Variants in CDH18 observed in about 807,000 individuals in gnomAD.
CDH18 encodes cadherin-18.
Under a neutral mutation model 67.9 loss-of-function variants are expected in CDH18, and 31 were observed. The observed-to-expected ratio is 0.46, with a 90% CI of 0.34 to 0.62. The LOEUF (loss-of-function observed/expected upper bound fraction) is 0.62. CDH18 is among the 20% of genes least tolerant of loss of function. CDH18 has a pLI of 0.01. For synonymous variants in CDH18, 362 were observed against 347.2 expected (o/e 1.04, Z -0.48); for missense variants, 890 against 975.5 (o/e 0.91, Z 1.17).
At chr5:20,513,534 G>C (rs1755173561) in intron 1 of CDH18, among the ~76,000 whole-genome samples, 1 of 152,056 alleles carries the variant, frequency 6.6e-6, no homozygotes, top group Admixed American at 6.6e-5. Context: ...CACAAACATA[G>C]ATATTCAAAT....
chr5:20,169,295 A>C (rs60477032), intron 2 of CDH18, among the ~76,000 whole-genome samples: 2,245 of 152,238 alleles, frequency 0.015, 27 homozygotes, highest in South Asian at 0.029. Context: ...AAAATAAAAA[A>C]TAAAAAATAA....
upstream of CDH18, among the ~76,000 whole-genome samples, chr5:19,990,034 T>C (rs1425200172): frequency 1.3e-5 from 2 of 152,214 alleles, no homozygotes; most frequent in Admixed American, 6.5e-5. Flanking sequence ...CTGTTTTAAA[T>C]GAGGGATTCT....
intron 2 of CDH18, among the ~76,000 whole-genome samples, chr5:19,962,344 T>C (rs1367449714): frequency 7.7e-6 from 1 of 129,780 alleles, no homozygotes; most frequent in Non-Finnish European, 1.6e-5. Context: ...GAACCAGTGA[T>C]TACTTCGTAA....
chr5:19,688,713 GAAAA>G (rs1237287667), intron 5 of CDH18, among the ~76,000 whole-genome samples: 1 of 151,756 alleles, frequency 6.6e-6, no homozygotes, highest in Non-Finnish European at 1.5e-5. Flanking sequence ...TGAAATGCCA[GAAAA>G]AAGAATTCAA....
chr5:20,098,961 C>T (rs1746224676), intron 2 of CDH18, among the ~76,000 whole-genome samples: 1 of 152,060 alleles, frequency 6.6e-6, no homozygotes, highest in Admixed American at 6.6e-5. Context: ...CCAAGGCAGA[C>T]AGTATCCAAG....
At chr5:19,682,665 G>A (rs930165914) in intron 5 of CDH18, among the ~76,000 whole-genome samples, 3 of 152,008 alleles carry the variant, frequency 2.0e-5, no homozygotes, top group Admixed American at 6.6e-5. Flanking sequence ...TTTGGTTGTT[G>A]TTGGTCTTTT....
At chr5:20,233,972 T>C (rs1429087672) in intron 2 of CDH18, among the ~76,000 whole-genome samples, 2 of 152,132 alleles carry the variant, frequency 1.3e-5, no homozygotes, top group Non-Finnish European at 2.9e-5. Flanking sequence ...ACTTCAAAAA[T>C]CTTTGAGAAC....
At chr5:19,709,004 T>TATCAAAAAATAAATAAATAAG (rs70950088) in intron 5 of CDH18, among the ~76,000 whole-genome samples, 1 of 149,072 alleles carries the variant, frequency 6.7e-6, no homozygotes. Flanking sequence ...CTAGACTCTG[T>TATCAAAAAATAAATAAATAAG]TAAATAAATA....
intron 5 of CDH18, among the ~76,000 whole-genome samples, chr5:19,659,736 C>T (rs1756907220): frequency 6.6e-6 from 1 of 152,056 alleles, no homozygotes; most frequent in African/African-American, 2.4e-5. Flanking sequence ...TGTGAGGATG[C>T]AGTAACAAGG....
intron 9 of CDH18, among the ~76,000 whole-genome samples, chr5:19,535,939 T>C (rs1749346388): frequency 6.6e-6 from 1 of 152,176 alleles, no homozygotes; most frequent in South Asian, 2.1e-4. Flanking sequence ...AATTTTTACA[T>C]TTAGTGCACA....
At chr5:19,750,911 C>A in intron 3 of CDH18, among the ~76,000 whole-genome samples, 1 of 151,636 alleles carries the variant, frequency 6.6e-6, no homozygotes, top group Admixed American at 6.6e-5. Flanking sequence ...ATTATATTGT[C>A]CTAAAGCAAG....
intron 5 of CDH18, among the ~76,000 whole-genome samples, chr5:19,715,105 A>C (rs1465401807): frequency 6.6e-6 from 1 of 152,110 alleles, no homozygotes; most frequent in Non-Finnish European, 1.5e-5. Flanking sequence ...GAAATTTAAA[A>C]TCTATAGGAC....
chr5:19,887,002 T>C (rs1332761839), intron 2 of CDH18, among the ~76,000 whole-genome samples: 2 of 152,098 alleles, frequency 1.3e-5, no homozygotes, highest in Non-Finnish European at 2.9e-5. Flanking sequence ...GTTATTGATG[T>C]ATATTGGGTT....
chr5:20,231,513 C>T (rs1742073730), intron 2 of CDH18, among the ~76,000 whole-genome samples: 1 of 151,866 alleles, frequency 6.6e-6, no homozygotes, highest in Admixed American at 6.6e-5. Context: ...ACAGGAGAAT[C>T]TCTTGAACCC....
At position 20,347,008 on chromosome 5, in the gene CDH18, C is replaced by T. The variant is rs574954355; in HGVS notation, c.-579-91503G>A. 7.9e-5 allele frequency among the ~76,000 whole-genome samples: 12 copies of T among 152,162 alleles called. No individual in the cohort carries two copies. In the South Asian group the frequency reaches 2.5e-3, roughly 32 times the overall value. On this transcript the variant is annotated intron_variant, in intron 1 of 14. Transcript: ENST00000507958. ...CTTCTTGTTGTTTTTATGTTAACTC[C>T]TAAGGAGAGGTTGAATTTGGAGCCA... is the stretch of plus-strand genomic sequence containing the variant.
At chr5:19,642,553 G>A (rs558774745) in intron 5 of CDH18, among the ~76,000 whole-genome samples, 25 of 152,086 alleles carry the variant, frequency 1.6e-4, no homozygotes, top group African/African-American at 6.0e-4. Context: ...CTTTAAAAAG[G>A]ATGCAAAGAA....
chr5:19,563,861 C>A (rs904484186), intron 8 of CDH18, among the ~76,000 whole-genome samples: 2 of 152,162 alleles, frequency 1.3e-5, no homozygotes, highest in Admixed American at 1.3e-4. Flanking sequence ...CACAACCCCT[C>A]CCTCATACCC....
chr5:20,201,111 C>CTCTTTCA, intron 2 of CDH18, among the ~76,000 whole-genome samples: 1 of 151,888 alleles, frequency 6.6e-6, no homozygotes, highest in Non-Finnish European at 1.5e-5. Flanking sequence ...CTTTCTAAAA[C>CTCTTTCA]CTGCAGCTGA....
intron 5 of CDH18, among the ~76,000 whole-genome samples, chr5:19,678,000 C>T (rs1433811453): frequency 6.6e-6 from 1 of 151,632 alleles, no homozygotes; most frequent in Admixed American, 6.6e-5. Context: ...AAAGAAAGTT[C>T]TTAGAGACCT....
Sources: gnomAD v4.1 joint callset for allele counts (sites outside exome capture counted in the v4.1 genomes callset) on GRCh38, gnomAD v4.1.1 for gene constraint, MANE v1.5 for transcripts, NCBI Gene and HGNC (gene_info 2026-07-23, HGNC 2026-07-21) for gene names.